Variants in RALA observed in about 807,000 individuals in gnomAD.
RALA encodes ras-related protein Ral-A.
A neutral mutation model predicts 24.0 loss-of-function variants in RALA; 5 were observed. That is an observed-to-expected ratio of 0.21 (90% CI 0.11 to 0.44). RALA has a LOEUF of 0.44. Among genes scored for constraint, RALA ranks in the 20% least tolerant of loss-of-function variants. RALA has a pLI of 0.99. For synonymous variants in RALA, 77 were observed against 83.8 expected (o/e 0.92, Z 0.44); for missense variants, 95 against 241.2 (o/e 0.39, Z 4.01).
chr7:39,696,143 C>G (rs780548339), intron 3 of RALA, among the ~76,000 whole-genome samples: 1 of 152,184 alleles, frequency 6.6e-6, no homozygotes, highest in Non-Finnish European at 1.5e-5. Flanking sequence ...TAACTTACCT[C>G]TCAATGCAAA....
At chr7:39,633,633 C>G (rs1034238197) in intron 1 of RALA, among the ~76,000 whole-genome samples, 4 of 152,274 alleles carry the variant, frequency 2.6e-5, no homozygotes, top group African/African-American at 7.2e-5. Flanking sequence ...CACACCCTAT[C>G]AGCAGGTTTG....
chr7:39,663,334 G>A (rs1317992514), intron 1 of RALA, among the ~76,000 whole-genome samples: 1 of 152,138 alleles, frequency 6.6e-6, no homozygotes, highest in Non-Finnish European at 1.5e-5. Context: ...TGTTGCTATT[G>A]TTGAGCTCAA....
intron 1 of RALA, among the ~76,000 whole-genome samples, chr7:39,648,427 T>G (rs571395497): frequency 1.3e-5 from 2 of 151,998 alleles, no homozygotes; most frequent in Non-Finnish European, 2.9e-5. Flanking sequence ...TTTTTTTTTT[T>G]GTCTCTTTTC....
At chr7:39,683,087 T>C (rs1236733641) in intron 1 of RALA, among the ~76,000 whole-genome samples, 1 of 152,138 alleles carries the variant, frequency 6.6e-6, no homozygotes, top group African/African-American at 2.4e-5. Context: ...CCACTTGCCA[T>C]GTGATGCCTT....
At chr7:39,692,470 T>G (rs897439956) in intron 3 of RALA, among the ~76,000 whole-genome samples, 5 of 152,228 alleles carry the variant, frequency 3.3e-5, no homozygotes, top group Non-Finnish European at 5.9e-5. Flanking sequence ...AGATTGTACT[T>G]CCCTATTCTG....
intron 1 of RALA, among the ~76,000 whole-genome samples, chr7:39,673,512 T>G (rs1182188730): frequency 2.6e-5 from 4 of 152,154 alleles, no homozygotes; most frequent in African/African-American, 9.7e-5. Context: ...TATATACTCT[T>G]TGTGAGTGAG....
At chr7:39,652,855 T>C (rs971317712) in intron 1 of RALA, among the ~76,000 whole-genome samples, 1 of 151,928 alleles carries the variant, frequency 6.6e-6, no homozygotes, top group Non-Finnish European at 1.5e-5. Flanking sequence ...CACGTCTGCC[T>C]CCCAGGTGCG....
chr7:39,635,082 G>A (rs1441519560), intron 1 of RALA, among the ~76,000 whole-genome samples: 1 of 152,144 alleles, frequency 6.6e-6, no homozygotes, highest in African/African-American at 2.4e-5. Flanking sequence ...AGGTGTGGTG[G>A]CTCACGCCTG....
chr7:39,669,113 A>C (rs34063025), intron 1 of RALA, among the ~76,000 whole-genome samples: 47,434 of 152,020 alleles, frequency 0.31, 8,190 homozygotes, highest in Non-Finnish European at 0.4. Flanking sequence ...ATTCTGTCTG[A>C]ATAAATAAAT....
intron 1 of RALA, among the ~76,000 whole-genome samples, chr7:39,635,649 G>A (rs1364890843): frequency 6.6e-6 from 1 of 152,106 alleles, no homozygotes; most frequent in East Asian, 1.9e-4. Flanking sequence ...GATGGCGTTG[G>A]GATGAAACTG....
intron 1 of RALA, among the ~76,000 whole-genome samples, chr7:39,649,266 A>C (rs938363736): frequency 1.3e-5 from 2 of 152,200 alleles, no homozygotes; most frequent in Admixed American, 1.3e-4. Context: ...TTACATGTGA[A>C]TCTGATGTTC....
intron 1 of RALA, among the ~76,000 whole-genome samples, chr7:39,680,911 C>G (rs1449284451): frequency 6.6e-6 from 1 of 152,192 alleles, no homozygotes; most frequent in Non-Finnish European, 1.5e-5. Context: ...GCAAAATTAT[C>G]TGTGGTTATA....
At chr7:39,637,783 C>G (rs1791709795) in intron 1 of RALA, among the ~76,000 whole-genome samples, 1 of 152,208 alleles carries the variant, frequency 6.6e-6, no homozygotes, top group African/African-American at 2.4e-5. Flanking sequence ...TGAATGCCTA[C>G]ATACCCTACA....
At chr7:39,650,117 T>G (rs1038984201) in intron 1 of RALA, among the ~76,000 whole-genome samples, 1 of 152,150 alleles carries the variant, frequency 6.6e-6, no homozygotes, top group Non-Finnish European at 1.5e-5. Flanking sequence ...AGGAACAAAT[T>G]CATGGATGAA....
At chr7:39,674,058 T>A (rs200094092) in intron 1 of RALA, among the ~76,000 whole-genome samples, 135 of 119,564 alleles carry the variant, frequency 1.1e-3, no homozygotes, top group African/African-American at 3.4e-3. Context: ...AATAAATAAA[T>A]AAATAAATAA....
intron 1 of RALA, among the ~76,000 whole-genome samples, chr7:39,645,675 G>A (rs1217725108): frequency 6.6e-6 from 1 of 152,174 alleles, no homozygotes; most frequent in Non-Finnish European, 1.5e-5. Flanking sequence ...TATGTGCCAG[G>A]CACTGTACTA....
At chr7:39,693,004 A>G (rs2116088721) in intron 3 of RALA, among the ~76,000 whole-genome samples, 1 of 152,324 alleles carries the variant, frequency 6.6e-6, no homozygotes, top group South Asian at 2.1e-4. Context: ...TGTGGAAGAC[A>G]GTGTGGCGAT....
At chr7:39,651,314 A>T (rs989558505) in intron 1 of RALA, among the ~76,000 whole-genome samples, 1 of 152,174 alleles carries the variant, frequency 6.6e-6, no homozygotes, top group African/African-American at 2.4e-5. Context: ...ACTCTATTGT[A>T]TGTTAAGGAA....
chr7:39,691,191 G>C (rs930232557), intron 3 of RALA, among the ~76,000 whole-genome samples: 10 of 151,900 alleles, frequency 6.6e-5, no homozygotes, highest in Non-Finnish European at 1.5e-4. Context: ...GAATCCATTT[G>C]GTTTTAGAGG....
Sources: gnomAD v4.1 joint callset for allele counts (sites outside exome capture counted in the v4.1 genomes callset) on GRCh38, gnomAD v4.1.1 for gene constraint, MANE v1.5 for transcripts, NCBI Gene and HGNC (gene_info 2026-07-23, HGNC 2026-07-21) for gene names.